ZMAT4: variants seen among roughly 807,000 people sequenced by gnomAD.
ZMAT4 encodes zinc finger matrin-type 4, also known as zinc finger matrin-type protein 4.
In ZMAT4, 17 loss-of-function variants were observed where a neutral mutation model predicts 28.7. The observed-to-expected ratio is 0.59, with a 90% CI of 0.41 to 0.89. ZMAT4 has a LOEUF of 0.89. ZMAT4 is among the 40% of genes least tolerant of loss of function. The pLI is 0.00. For synonymous variants in ZMAT4, 117 were observed against 109.2 expected (o/e 1.07, Z -0.44); for missense variants, 240 against 283.8 (o/e 0.85, Z 1.11).
chr8:40,612,938 A>G (rs201850274), intron 5 of ZMAT4, among the ~76,000 whole-genome samples: 25 of 150,244 alleles, frequency 1.7e-4, no homozygotes, highest in Non-Finnish European at 3.0e-4. Context: ...TCAGCCTCCT[A>G]AGTAGCTGGG....
rs1453225127 is a variant in ZMAT4, at chr8:40,632,924, GT to G, written c.577+41779del. Reference sequence around the variant, plus strand: ...TGGGTTAGATTTCATTTTAATTTCAGTTAAAGGAGAGGAAGATTACTACTTA... The same window carrying G: ...TGGGTTAGATTTCATTTTAATTTCAGTAAAGGAGAGGAAGATTACTACTTA... On this transcript the variant is annotated intron_variant, in intron 5 of 6. Coordinates refer to ENST00000297737, the MANE Select transcript of ZMAT4 (RefSeq NM_024645.3). 3.3e-5 allele frequency among the ~76,000 whole-genome samples: 5 copies of G among 152,122 alleles called. No individual in the cohort carries two copies. In the East Asian group the frequency reaches 9.6e-4, roughly 29 times the overall value.
chr8:40,869,157 C>G (rs779774401), intron 1 of ZMAT4, among the ~76,000 whole-genome samples: 3 of 152,166 alleles, frequency 2.0e-5, no homozygotes, highest in Non-Finnish European at 2.9e-5. Flanking sequence ...GAAAGCCCAC[C>G]CTTTAGACAT....
chr8:40,833,916 T>C (rs1295138575), intron 1 of ZMAT4, among the ~76,000 whole-genome samples: 1 of 152,164 alleles, frequency 6.6e-6, no homozygotes, highest in African/African-American at 2.4e-5. Context: ...CAGATGCAGG[T>C]GCAAGCTCTG....
At chr8:40,704,308 C>T (rs74560957) in intron 3 of ZMAT4, among the ~76,000 whole-genome samples, 1 of 152,116 alleles carries the variant, frequency 6.6e-6, no homozygotes, top group Non-Finnish European at 1.5e-5. Context: ...ACTACAGGGT[C>T]CTGGGTAACG....
intron 6 of ZMAT4, among the ~76,000 whole-genome samples, chr8:40,545,696 T>C (rs1443719945): frequency 1.3e-5 from 2 of 152,112 alleles, no homozygotes; most frequent in Non-Finnish European, 2.9e-5. Context: ...GACCCTTCTC[T>C]TGCACCTTCA....
At chr8:40,852,246 G>A (rs1817136690) in intron 1 of ZMAT4, among the ~76,000 whole-genome samples, 1 of 151,958 alleles carries the variant, frequency 6.6e-6, no homozygotes, top group South Asian at 2.1e-4. Context: ...AGTACCCTCT[G>A]TTCTACTTTA....
At chr8:40,564,748 C>A (rs1803859014) in intron 6 of ZMAT4, among the ~76,000 whole-genome samples, 1 of 152,106 alleles carries the variant, frequency 6.6e-6, no homozygotes, top group Admixed American at 6.6e-5. Flanking sequence ...TGATTTTAGT[C>A]ATTCAAATTA....
intron 2 of ZMAT4, among the ~76,000 whole-genome samples, chr8:40,805,809 G>C (rs13279192): frequency 3.9e-4 from 54 of 137,112 alleles, no homozygotes; most frequent in African/African-American, 1.4e-3. Context: ...GGAGGGGGGA[G>C]GGATGGCATT....
chr8:40,541,905 C>T (rs1203996781), intron 6 of ZMAT4, among the ~76,000 whole-genome samples: 2 of 152,166 alleles, frequency 1.3e-5, no homozygotes, highest in African/African-American at 4.8e-5. Flanking sequence ...AATCTAGAGT[C>T]CCACAGTGCC....
At chr8:40,867,843 T>C (rs66957187) in intron 1 of ZMAT4, among the ~76,000 whole-genome samples, 16,546 of 152,136 alleles carry the variant, frequency 0.11, 990 homozygotes, top group Non-Finnish European at 0.14. Flanking sequence ...TAAAATACTA[T>C]AGAATGCAGT....
At chr8:40,757,573 A>C in intron 3 of ZMAT4, among the ~76,000 whole-genome samples, 1 of 151,800 alleles carries the variant, frequency 6.6e-6, no homozygotes, top group South Asian at 2.1e-4. Context: ...GCAACAGAGC[A>C]AGACCCCATC....
chr8:40,727,530 G>C (rs1367470281), intron 3 of ZMAT4, among the ~76,000 whole-genome samples: 1 of 152,136 alleles, frequency 6.6e-6, no homozygotes, highest in Admixed American at 6.6e-5. Context: ...GAAATGAGTG[G>C]ATACTTGAAC....
At chr8:40,761,070 A>AG (rs541568359) in intron 3 of ZMAT4, among the ~76,000 whole-genome samples, 9 of 148,856 alleles carry the variant, frequency 6.0e-5, no homozygotes, top group African/African-American at 1.7e-4. Context: ...GCAGTGGGGC[A>AG]GGGGGGGATA....
intron 6 of ZMAT4, among the ~76,000 whole-genome samples, chr8:40,546,191 T>C (rs1248973530): frequency 6.6e-6 from 1 of 151,750 alleles, no homozygotes; most frequent in Non-Finnish European, 1.5e-5. Flanking sequence ...ATCTTCAATA[T>C]GAATTTTCTT....
intron 5 of ZMAT4, among the ~76,000 whole-genome samples, chr8:40,605,163 G>A (rs867979160): frequency 5.9e-5 from 9 of 151,824 alleles, no homozygotes; most frequent in South Asian, 2.1e-4. Flanking sequence ...ATTGTTTTCC[G>A]TTTGTTTCAA....
At chr8:40,838,688 C>T (rs1232850209) in intron 1 of ZMAT4, among the ~76,000 whole-genome samples, 1 of 152,174 alleles carries the variant, frequency 6.6e-6, no homozygotes, top group Admixed American at 6.5e-5. Context: ...ATGCCACCAG[C>T]CCTGCCCCTC....
intron 6 of ZMAT4, among the ~76,000 whole-genome samples, chr8:40,570,076 C>T (rs779638910): frequency 4.6e-5 from 7 of 152,074 alleles, no homozygotes; most frequent in Admixed American, 2.6e-4. Context: ...ACTAATGACA[C>T]GTGTAATTAA....
At chr8:40,607,287 G>C (rs930110371) in intron 5 of ZMAT4, among the ~76,000 whole-genome samples, 2 of 151,576 alleles carry the variant, frequency 1.3e-5, no homozygotes, top group African/African-American at 4.8e-5. Context: ...ACCACCCCTG[G>C]CTAATTTTTT....
intron 5 of ZMAT4, among the ~76,000 whole-genome samples, chr8:40,584,970 C>A (rs1030171627): frequency 6.6e-6 from 1 of 152,118 alleles, no homozygotes; most frequent in Non-Finnish European, 1.5e-5. Flanking sequence ...TCCAATGAGT[C>A]CTGCTCCCTG....
Sources: gnomAD v4.1 joint callset for allele counts (sites outside exome capture counted in the v4.1 genomes callset) on GRCh38, gnomAD v4.1.1 for gene constraint, MANE v1.5 for transcripts, NCBI Gene and HGNC (gene_info 2026-07-23, HGNC 2026-07-21) for gene names.